The following HPSE2 variants were observed in gnomAD, a reference collection of about 807,000 sequenced individuals.
HPSE2 encodes inactive heparanase-2.
HPSE2 carries 38 observed loss-of-function variants against 60.5 expected under a neutral mutation model. That is an observed-to-expected ratio of 0.63 (90% CI 0.48 to 0.82). The LOEUF (loss-of-function observed/expected upper bound fraction) is 0.82, where lower values mean the gene tolerates loss of function less well. Ranked by LOEUF, HPSE2 falls within the 40% of genes least tolerant of loss-of-function variation. The probability of loss-of-function intolerance (pLI) is 0.00; values close to 1 mark genes in which losing one functional copy is unlikely to be tolerated. For missense variants in HPSE2, 713 were observed against 740.4 expected (o/e 0.96, Z 0.43); for synonymous variants, 295 against 293.2 (o/e 1.01, Z -0.06).
chr10:98,808,691 C>T (rs550452409), intron 3 of HPSE2, among the ~76,000 whole-genome samples: 1 of 152,180 alleles, frequency 6.6e-6, no homozygotes, highest in African/African-American at 2.4e-5. Context: ...GAAATCACAC[C>T]AACAAAATCT....
intron 3 of HPSE2, among the ~76,000 whole-genome samples, chr10:98,905,212 A>G (rs558253227): frequency 7.3e-5 from 11 of 151,542 alleles, no homozygotes; most frequent in Admixed American, 2.6e-4. Flanking sequence ...CACATTGTGC[A>G]GTTTAGTTAC....
the HPSE2 span, among the ~76,000 whole-genome samples, chr10:99,260,241 CA>C: frequency 0.55 from 79,806 of 144,366 alleles, 22,995 homozygotes; most frequent in East Asian, 0.66. Context: ...TGAGCTCCTA[CA>C]AAAAAAAAAA....
chr10:98,538,507 T>C (rs757084667), intron 9 of HPSE2, among the ~76,000 whole-genome samples: 54 of 152,130 alleles, frequency 3.5e-4, no homozygotes, highest in Non-Finnish European at 6.5e-4. Flanking sequence ...CCTATGTCTA[T>C]ATAATGTCCC....
chr10:99,106,518 A>T (rs1336375218), intron 3 of HPSE2, among the ~76,000 whole-genome samples: 1 of 151,990 alleles, frequency 6.6e-6, no homozygotes, highest in African/African-American at 2.4e-5. Context: ...CATTTCTGAA[A>T]TAAATCCAAC....
At chr10:99,141,106 G>A (rs1399134038) in intron 3 of HPSE2, among the ~76,000 whole-genome samples, 1 of 152,128 alleles carries the variant, frequency 6.6e-6, no homozygotes, top group Non-Finnish European at 1.5e-5. Context: ...CAAATTTATA[G>A]AGCATTGTTG....
intron 9 of HPSE2, among the ~76,000 whole-genome samples, chr10:98,498,356 G>A (rs1213044618): frequency 6.6e-6 from 1 of 152,152 alleles, no homozygotes; most frequent in Non-Finnish European, 1.5e-5. Flanking sequence ...GCTCGGAACT[G>A]GGTAGACTTG....
intron 3 of HPSE2, among the ~76,000 whole-genome samples, chr10:98,803,222 C>T (rs1589851692): frequency 6.6e-6 from 1 of 150,430 alleles, no homozygotes; most frequent in Admixed American, 6.6e-5. Flanking sequence ...TGGATATTAG[C>T]CCTTTGTCAG....
At chr10:99,132,866 G>A (rs1430120642) in intron 3 of HPSE2, among the ~76,000 whole-genome samples, 2 of 152,156 alleles carry the variant, frequency 1.3e-5, no homozygotes, top group Non-Finnish European at 1.5e-5. Flanking sequence ...CCCCAATGGT[G>A]CCTGAAACGC....
chr10:98,489,953 A>C (rs1941581632), intron 10 of HPSE2, 98 bp downstream of exon 10: 1 of 1,464,936 alleles, frequency 6.8e-7, no homozygotes, highest in African/African-American at 1.4e-5. Flanking sequence ...AAAGTTTTTG[A>C]TAAGATTAGT....
chr10:99,214,108 C>T (rs1158541533), intron 2 of HPSE2, among the ~76,000 whole-genome samples: 1 of 152,050 alleles, frequency 6.6e-6, no homozygotes, highest in East Asian at 1.9e-4. Context: ...GGAAAAGATG[C>T]TCAACATTAT....
intron 3 of HPSE2, among the ~76,000 whole-genome samples, chr10:98,956,596 C>T (rs1399075832): frequency 2.6e-5 from 4 of 152,112 alleles, no homozygotes; most frequent in Non-Finnish European, 2.9e-5. Flanking sequence ...TAGAGCTCAG[C>T]CACCACATTA....
At chr10:99,007,229 G>A (rs1956915226) in intron 3 of HPSE2, among the ~76,000 whole-genome samples, 2 of 152,102 alleles carry the variant, frequency 1.3e-5, no homozygotes, top group Admixed American at 1.3e-4. Context: ...CCTAGACATT[G>A]AGTCCACACA....
At chr10:98,780,483 T>C (rs1049943590) in intron 3 of HPSE2, among the ~76,000 whole-genome samples, 1 of 152,020 alleles carries the variant, frequency 6.6e-6, no homozygotes, top group Non-Finnish European at 1.5e-5. Context: ...ATTGAGTTTG[T>C]TATATCAATA....
At chr10:98,512,538 TCG>T (rs1159761715) in intron 9 of HPSE2, among the ~76,000 whole-genome samples, 138 of 150,256 alleles carry the variant, frequency 9.2e-4, no homozygotes, top group African/African-American at 3.2e-3. Context: ...TGAGCCAAGA[TCG>T]CACCACTGCA....
At chr10:98,628,410 A>G (rs1350359728) in intron 7 of HPSE2, among the ~76,000 whole-genome samples, 1 of 152,226 alleles carries the variant, frequency 6.6e-6, no homozygotes, top group African/African-American at 2.4e-5. Flanking sequence ...TTTTTGTAGT[A>G]AACATGATTC....
At chr10:98,990,851 T>G in intron 3 of HPSE2, among the ~76,000 whole-genome samples, 1 of 152,160 alleles carries the variant, frequency 6.6e-6, no homozygotes. Flanking sequence ...CTGCAATCAT[T>G]TCACATTACC....
chr10:98,480,304 G>C (rs137991825), intron 11 of HPSE2, among the ~76,000 whole-genome samples: 2 of 151,960 alleles, frequency 1.3e-5, no homozygotes, highest in East Asian at 3.9e-4. Context: ...GGCTCATCTC[G>C]AACTCCTGAC....
At chr10:98,623,189 A>G (rs1027575103) in intron 7 of HPSE2, among the ~76,000 whole-genome samples, 5 of 152,188 alleles carry the variant, frequency 3.3e-5, no homozygotes, top group Non-Finnish European at 7.4e-5. Context: ...AACCTTGAAA[A>G]CATTAAGCTA....
chr10:98,985,184 C>A (rs1199081700), intron 3 of HPSE2, among the ~76,000 whole-genome samples: 1 of 152,028 alleles, frequency 6.6e-6, no homozygotes, highest in Non-Finnish European at 1.5e-5. Context: ...CAAGACACAT[C>A]ATTGTCAGAT....
Sources: gnomAD v4.1 joint callset for allele counts (sites outside exome capture counted in the v4.1 genomes callset) on GRCh38, gnomAD v4.1.1 for gene constraint, MANE v1.5 for transcripts, NCBI Gene and HGNC (gene_info 2026-07-23, HGNC 2026-07-21) for gene names.